The following GAK variants were observed in gnomAD, a reference collection of about 807,000 sequenced individuals.
GAK encodes the protein cyclin G associated kinase, also known as cyclin-G-associated kinase.
A neutral mutation model predicts 143.9 loss-of-function variants in GAK; 79 were observed. The ratio of observed to expected loss-of-function variants is 0.55; its 90% CI spans 0.46 to 0.66. GAK has a LOEUF of 0.66. Ranked by LOEUF, GAK falls within the 30% of genes least tolerant of loss-of-function variation. The pLI is 0.00. For synonymous variants in GAK, 881 were observed against 765.5 expected, an observed-to-expected ratio of 1.15 and a Z score of -2.49; for missense variants, 1,693 against 1,779.7, an observed-to-expected ratio of 0.95 and a Z score of 0.88.
intron 4 of GAK, among the ~76,000 whole-genome samples, chr4:905,479 C>G (rs1291624958): frequency 7.0e-6 from 1 of 142,908 alleles, no homozygotes; most frequent in Non-Finnish European, 1.5e-5. Flanking sequence ...CCATGCCATG[C>G]TACGGACTCC....
chr4:903,529 CAAGG>C (rs1329309547), intron 5 of GAK, among the ~76,000 whole-genome samples: 1 of 150,368 alleles, frequency 6.7e-6, no homozygotes, highest in Non-Finnish European at 1.5e-5. Flanking sequence ...GCCCAGGGGC[CAAGG>C]AAGGGGCACT....
At chr4:876,455 C>G in intron 18 of GAK, 75 bp downstream of exon 18, 1 of 1,336,856 alleles carries the variant, frequency 7.5e-7, no homozygotes, top group Non-Finnish European at 1.1e-6. Flanking sequence ...GGGGCTCCCA[C>G]GACCGGCCCA....
intron 20 of GAK, among the ~76,000 whole-genome samples, chr4:867,905 T>G (rs1471422878): frequency 2.0e-5 from 3 of 152,236 alleles, no homozygotes; most frequent in African/African-American, 7.2e-5. Flanking sequence ...TGCCTGTGGC[T>G]CTCTCCGCCT....
chr4:897,610 C>A (rs1719040666), intron 6 of GAK, among the ~76,000 whole-genome samples: 2 of 152,296 alleles, frequency 1.3e-5, no homozygotes, highest in South Asian at 4.1e-4. Context: ...GATGGGGCCA[C>A]CCTGTGTTTT....
chr4:863,360 A>G (rs1750625254), intron 23 of GAK, among the ~76,000 whole-genome samples: 1 of 152,248 alleles, frequency 6.6e-6, no homozygotes, highest in South Asian at 2.1e-4. Context: ...GTCCTGGTGA[A>G]GATGCTGTGA....
At chr4:903,301 G>C (rs757691971) in intron 5 of GAK, among the ~76,000 whole-genome samples, 14 of 152,160 alleles carry the variant, frequency 9.2e-5, no homozygotes, top group African/African-American at 3.4e-4. Flanking sequence ...GGAGAAACCC[G>C]TGGTGACAGG....
intron 13 of GAK, among the ~76,000 whole-genome samples, chr4:883,045 G>A (rs1485159615): frequency 2.0e-5 from 3 of 152,250 alleles, no homozygotes; most frequent in Admixed American, 6.5e-5. Context: ...GACAAGTGTC[G>A]TGTCTGGAAG....
chr4:896,448 G>A lies in GAK; in HGVS notation c.741+12C>T, dbSNP rs548254044. The A allele has an allele frequency of 5.9e-5, 95 of 1,611,384 alleles. 5 individuals are homozygous for A. The highest frequency in any genetic ancestry group is 1.7e-4 in the Middle Eastern group (1 of 5,846). On this transcript the variant is annotated intron_variant, in intron 7 of 27. Coordinates refer to ENST00000314167, the MANE Select transcript of GAK (RefSeq NM_005255.4). ...GAGCCAGGCACTGCCACTGAGAGGCGCCAGACCTCACCCAGATATCCTGCT... is the reference window on the plus strand; with the variant it reads ...GAGCCAGGCACTGCCACTGAGAGGCACCAGACCTCACCCAGATATCCTGCT...
At chr4:927,942 G>T (rs1725105045) in intron 1 of GAK, among the ~76,000 whole-genome samples, 1 of 152,202 alleles carries the variant, frequency 6.6e-6, no homozygotes, top group Non-Finnish European at 1.5e-5. Context: ...GCAGAGGCTG[G>T]TGCCCTCAGT....
rs1465357255 is a variant in GAK at position 881,110 on chromosome 4, C to T, written c.1661+797G>A. Reference sequence around the variant, plus strand: ...ACAGCAGCAGGAATGGCCTCCTGACCCTCGCCCCGTCCACAGGCTGTGCGC... The same window carrying T: ...ACAGCAGCAGGAATGGCCTCCTGACTCTCGCCCCGTCCACAGGCTGTGCGC... On this transcript the variant is annotated intron_variant, in intron 15 of 27. Coordinates refer to ENST00000314167, the MANE Select transcript of GAK (RefSeq NM_005255.4). Among the ~76,000 whole-genome samples, 6 of 152,202 alleles carry T rather than the reference C, an allele frequency of 3.9e-5. No homozygotes were observed. In the South Asian group the frequency reaches 8.3e-4, roughly 21 times the overall value.
rs559456962 is a variant in GAK, at chr4:885,114, G to C, written c.1206-1028C>G. Among the ~76,000 whole-genome samples, 24 of 145,022 alleles carry C rather than the reference G, an allele frequency of 1.7e-4. 1 individual carries two copies. The highest frequency in any genetic ancestry group is 4.4e-4 in the South Asian group (2 of 4,536). ...TCCGTGCGTTCAAACGTTTTAAAAG[G>C]CGTCTAAACCCACCGAGCAGGTGCT... On this transcript the variant is annotated intron_variant, in intron 11 of 27. Coordinates refer to ENST00000314167, the MANE Select transcript of GAK (RefSeq NM_005255.4).
At chr4:903,980 C>CG (rs1342832317) in intron 5 of GAK, among the ~76,000 whole-genome samples, 7 of 152,278 alleles carry the variant, frequency 4.6e-5, no homozygotes, top group African/African-American at 1.7e-4. Context: ...GGAAAAGCAA[C>CG]GTTTCTGGAA....
intron 11 of GAK, chr4:888,132 C>G (rs1441425639): frequency 6.6e-6 from 1 of 152,294 alleles, no homozygotes; most frequent in African/African-American, 2.4e-5. Flanking sequence ...GGAACGTGGG[C>G]CCACCAGGGG....
At chr4:891,193 T>G (rs1470620348) in intron 9 of GAK, among the ~76,000 whole-genome samples, 1 of 152,122 alleles carries the variant, frequency 6.6e-6, no homozygotes, top group African/African-American at 2.4e-5. Flanking sequence ...ACTCCTGAGC[T>G]GAGGCAATTC....
In GAK at chr4:890,590, G is replaced by A. The variant is rs764945879; in HGVS notation, c.1023C>T (p.Ala341=). 1.9e-6 allele frequency: 3 copies of A among 1,611,622 alleles called. No homozygotes were observed. The Admixed American group carries it at 5.0e-5, about 27-fold the overall frequency. ...GAGGGGGTGGCCCTCGGGACAGTGT[G>A]GCGCTCCCGTAGCCTCCATTCTGCT... is the stretch of plus-strand genomic sequence containing the variant. ...LLEQNGGYGS[A]TLSRGPPPPV... The change falls in exon 10 of 28, where the codon GCC becomes GCT. Residue 341 remains alanine, a synonymous_variant. Coordinates refer to ENST00000314167, the MANE Select transcript of GAK (RefSeq NM_005255.4).
At chr4:922,582 T>C (rs1724081766) in intron 1 of GAK, among the ~76,000 whole-genome samples, 1 of 150,814 alleles carries the variant, frequency 6.6e-6, no homozygotes, top group Admixed American at 6.6e-5. Context: ...GAATCAGCAC[T>C]GACAGCATCT....
In GAK at chr4:893,434, G is replaced by C; in HGVS notation, c.933C>G (p.His311Gln). Residue 311 changes from histidine to glutamine, a missense_variant, in exon 9 of 28, where the codon CAC becomes CAG. By Grantham distance (24) the His-to-Gln change is conservative (BLOSUM62 0). This residue lies in a region of GAK where 871 missense variants were observed against 991.0 expected (regional missense o/e 0.88). Transcript: ENST00000314167. ...GGGCGGCCGCGATCTCCTGCAGCTG[G>C]TGCACCACCTCGGCGATGGACAGCC... Reference protein sequence around the residue: ...EERLSIAEVVHQLQEIAAARN... With the variant: ...EERLSIAEVVQQLQEIAAARN... 6.3e-7 allele frequency: 1 copy of C among 1,594,400 alleles called. No individual in the cohort carries two copies. The highest frequency in any genetic ancestry group is 1.1e-5 in the South Asian group (1 of 89,048).
At chr4:852,091 G>T in intron 24 of GAK, 117 bp from the exon 25 acceptor site, 3 of 897,068 alleles carry the variant, frequency 3.3e-6, no homozygotes, top group East Asian at 2.6e-5. Context: ...ATAGAACACC[G>T]ATCACTCGAG....
In GAK at chr4:932,283, G is replaced by A. The variant is rs1011130916; in HGVS notation, c.-96C>T. Reference sequence around the variant, plus strand: ...GGTCAGCTCAGCAACCGCCGGCCCGGAGGTGCACCATCTTCCGCCTCGACG... The same window carrying A: ...GGTCAGCTCAGCAACCGCCGGCCCGAAGGTGCACCATCTTCCGCCTCGACG... On this transcript the variant is annotated 5_prime_UTR_variant, in exon 1 of 28. Transcript: ENST00000314167. This position sits in a 1 kb window ranked among gnomAD's most constrained non-coding sequence, Gnocchi z 4.0. 18 of 1,400,734 alleles carry A rather than the reference G, an allele frequency of 1.3e-5. No individual in the cohort carries two copies. The highest frequency in any genetic ancestry group is 1.4e-5 in the Non-Finnish European group (15 of 1,086,328). 86.8% of individuals were successfully genotyped at this position (1,400,734 alleles called of 1,614,324 possible).
Sources: allele counts gnomAD v4.1 joint callset (sites outside exome capture counted in the v4.1 genomes callset), GRCh38; gene constraint gnomAD v4.1.1; regional missense constraint gnomAD v4.1.1; non-coding constraint Gnocchi (gnomAD v3.1); transcripts MANE v1.5; gene names NCBI Gene and HGNC (gene_info 2026-07-23, HGNC 2026-07-21).